Variants in NUP155 observed in about 807,000 individuals in gnomAD.
NUP155 encodes the protein nuclear pore complex protein Nup155.
NUP155 carries 71 observed loss-of-function variants against 180.4 expected under a neutral mutation model. The ratio of observed to expected loss-of-function variants is 0.39; its 90% CI spans 0.33 to 0.48. The LOEUF is 0.48. Ranked by LOEUF, NUP155 falls within the 20% of genes least tolerant of loss-of-function variation. The probability of loss-of-function intolerance (pLI) is 0.91; values close to 1 mark genes in which losing one functional copy is unlikely to be tolerated. For missense variants in NUP155, 1,553 were observed against 1,648.9 expected (o/e 0.94, Z 1.01); for synonymous variants, 582 against 559.5 (o/e 1.04, Z -0.57).
intron 13 of NUP155, 41 bp downstream of exon 13, chr5:37,333,422 T>C (rs1745106528): frequency 6.5e-7 from 1 of 1,546,854 alleles, no homozygotes; most frequent in South Asian, 1.1e-5. Context: ...ATATTATACA[T>C]CGCTTATTTT....
intron 22 of NUP155, 146 bp downstream of exon 22, chr5:37,314,052 T>C (rs892866608): frequency 1.6e-6 from 1 of 634,358 alleles, no homozygotes; most frequent in Non-Finnish European, 2.7e-6. Flanking sequence ...GTTGGTACGC[T>C]TTTTTTGTGC....
At chr5:37,344,373 T>C (rs1399755613) in intron 9 of NUP155, among the ~76,000 whole-genome samples, 1 of 145,034 alleles carries the variant, frequency 6.9e-6, no homozygotes, top group African/African-American at 2.5e-5. Context: ...AAAGAAAATA[T>C]ACATATATAA....
rs141057923 is a variant in NUP155 at position 37,370,799 on chromosome 5, A to G, written c.157+22T>C. 3.4e-4 allele frequency: 544 copies of G among 1,614,112 alleles called. 7 individuals are homozygous for G. The African/African-American group carries it at 6.4e-3, about 19-fold the overall frequency. ...CAGGCGAGAGTCCTTTAGGTTGAGAAAGCAGGGTCACTATCACTCACTTGG... is the reference window on the plus strand; with the variant it reads ...CAGGCGAGAGTCCTTTAGGTTGAGAGAGCAGGGTCACTATCACTCACTTGG... On this transcript the variant is annotated intron_variant, in intron 1 of 34. Coordinates refer to ENST00000231498, the MANE Select transcript of NUP155 (RefSeq NM_153485.3).
chr5:37,310,455 C>A, intron 23 of NUP155, 97 bp downstream of exon 23: 1 of 951,734 alleles, frequency 1.1e-6, no homozygotes, highest in Non-Finnish European at 1.6e-6. Flanking sequence ...GTTAAGAGAT[C>A]TAACTGACTG....
chr5:37,318,148 G>A lies in NUP155; in HGVS notation c.2208-63C>T, dbSNP rs1045381594. ...GCTTTATTGAGATATAACACATACA[G>A]TACAATTCAAACATTTAATATGTTT... On this transcript the variant is annotated intron_variant, in intron 20 of 34. Transcript: ENST00000231498. The A allele has an allele frequency of 3.2e-5, 30 of 924,636 alleles. No homozygotes were observed. In the Admixed American group the frequency reaches 5.1e-4, roughly 16 times the overall value. The allele number at this position is 924,636 out of a possible 1,614,324, so 57.3% of individuals were successfully genotyped here.
At chr5:37,346,343 T>C (rs181965577) in intron 9 of NUP155, among the ~76,000 whole-genome samples, 142 of 152,034 alleles carry the variant, frequency 9.3e-4, no homozygotes, top group Middle Eastern at 3.4e-3. Context: ...ACAATGACAA[T>C]AGAAGTTGAA....
intron 22 of NUP155, among the ~76,000 whole-genome samples, chr5:37,312,460 GA>G (rs932582188): frequency 1.3e-5 from 2 of 151,678 alleles, no homozygotes; most frequent in Non-Finnish European, 2.9e-5. Flanking sequence ...GCAAGGAAAA[GA>G]AAAAGAAGGA....
intron 25 of NUP155, among the ~76,000 whole-genome samples, chr5:37,307,058 C>CGTGGTGGT (rs940696926): frequency 2.0e-5 from 3 of 151,330 alleles, no homozygotes; most frequent in Admixed American, 6.6e-5. Flanking sequence ...ATTAGCCAGG[C>CGTGGTGGT]GTGGTGGTGT....
intron 1 of NUP155, among the ~76,000 whole-genome samples, chr5:37,365,169 G>A (rs1460550445): frequency 1.3e-5 from 2 of 151,810 alleles, no homozygotes; most frequent in Non-Finnish European, 2.9e-5. Flanking sequence ...GGCTGAGGCA[G>A]AACTGCTTGA....
chr5:37,350,311 C>T, intron 6 of NUP155, 46 bp from the exon 7 acceptor site: 1 of 1,263,098 alleles, frequency 7.9e-7, no homozygotes, highest in Non-Finnish European at 1.2e-6. Context: ...TATGTAACTC[C>T]CTTACAATAA....
chr5:37,298,951 G>A lies in NUP155; in HGVS notation c.3710C>T (p.Ser1237Phe). 6.2e-7 allele frequency: 1 copy of A among 1,611,662 alleles called. No individual in the cohort carries two copies. Among genetic ancestry groups the A allele is most frequent in the South Asian group, 1.1e-5 (1 of 91,030 alleles). ...ACTAAGAGCATGCATTCTATCCGAG[G>A]AGCTCAATGTCACACTGTCACTCAA... ...KELSDSVTLS[S>F]SDRMHALSLK... is the part of the protein sequence containing the mutation. Residue 1237 changes from serine (S) to phenylalanine (F), a missense_variant, in exon 32 of 35, where the codon TCC becomes TTC. Transcript: ENST00000231498.
intron 1 of NUP155, among the ~76,000 whole-genome samples, chr5:37,365,077 C>G (rs1747468252): frequency 6.7e-6 from 1 of 150,300 alleles, no homozygotes; most frequent in African/African-American, 2.4e-5. Context: ...GCCTGGCCAA[C>G]ATGGTGAAAC....
At chr5:37,354,846 C>T (rs1412289033) in intron 4 of NUP155, among the ~76,000 whole-genome samples, 1 of 152,044 alleles carries the variant, frequency 6.6e-6, no homozygotes, top group Non-Finnish European at 1.5e-5. Context: ...AATCTCAGCA[C>T]TTTGAGAGGC....
chr5:37,345,767 A>T (rs1173667916), intron 9 of NUP155, among the ~76,000 whole-genome samples: 3 of 151,846 alleles, frequency 2.0e-5, no homozygotes, highest in African/African-American at 7.3e-5. Flanking sequence ...AGCCAGGCAC[A>T]GTGGTGCGCG....
intron 30 of NUP155, 46 bp from the exon 31 acceptor site, chr5:37,299,614 T>C (rs779748345): frequency 6.3e-7 from 1 of 1,595,998 alleles, no homozygotes; most frequent in South Asian, 1.1e-5. Flanking sequence ...GAGATCAACA[T>C]TCAGAGATTA....
At chr5:37,338,236 T>C (rs1745474277) in intron 11 of NUP155, among the ~76,000 whole-genome samples, 2 of 142,430 alleles carry the variant, frequency 1.4e-5, no homozygotes, top group African/African-American at 5.3e-5. Flanking sequence ...GAGAATGGCG[T>C]GAACGCAGGA....
At chr5:37,351,708 C>G (rs1295804371) in intron 5 of NUP155, among the ~76,000 whole-genome samples, 1 of 150,728 alleles carries the variant, frequency 6.6e-6, no homozygotes, top group Non-Finnish European at 1.5e-5. Context: ...CTCGGCCTCC[C>G]AGAGTGCTAA....
chr5:37,299,995 G>T (rs530190434), intron 30 of NUP155, among the ~76,000 whole-genome samples: 2 of 150,438 alleles, frequency 1.3e-5, no homozygotes, highest in Non-Finnish European at 3.0e-5. Flanking sequence ...CTCTAGCCTG[G>T]TGACAGAGAA....
In NUP155 at chr5:37,332,313, CTTTTTTTT is replaced by C. The variant is rs1021002313; in HGVS notation, c.1519-526_1519-519del. Among the ~76,000 whole-genome samples the C allele has an allele frequency of 6.8e-5, 6 of 87,704 alleles. No individual in the cohort carries two copies. The South Asian group carries it at 1.1e-3, about 16-fold the overall frequency. 57.5% of individuals were successfully genotyped at this position (87,704 alleles called of 152,430 possible). A position where few individuals can be genotyped will look rare whatever the true frequency, so the allele number is the denominator to read the frequency against. ...GCAATTGAGGTTTCTGCCATTACAGCTTTTTTTTTTTTTTTTTTTTTTTTTTTAGACGG... is the reference window on the plus strand; with the variant it reads ...GCAATTGAGGTTTCTGCCATTACAGCTTTTTTTTTTTTTTTTTTTAGACGG... On this transcript the variant is annotated intron_variant, in intron 13 of 34. Transcript: ENST00000231498.
Sources: allele counts gnomAD v4.1 joint callset (sites outside exome capture counted in the v4.1 genomes callset), GRCh38; gene constraint gnomAD v4.1.1; transcripts MANE v1.5; gene names NCBI Gene and HGNC (gene_info 2026-07-23, HGNC 2026-07-21).